DNAAF4: variants seen among roughly 807,000 people sequenced by gnomAD.
The protein encoded by DNAAF4 is dynein axonemal assembly factor 4.
Under a neutral mutation model 51.8 loss-of-function variants are expected in DNAAF4, and 43 were observed. The ratio of observed to expected loss-of-function variants is 0.83; its 90% confidence interval spans 0.65 to 1.07. The LOEUF (loss-of-function observed/expected upper bound fraction) is 1.07, where lower values mean the gene tolerates loss of function less well. Ranked by LOEUF, DNAAF4 falls within the 50% of genes least tolerant of loss-of-function variation. The pLI is 0.00. For missense variants in DNAAF4, 581 were observed against 493.0 expected (o/e 1.18, Z -1.69); for synonymous variants, 194 against 165.6 (o/e 1.17, Z -1.32).
chr15:55,425,478 TC>T (rs1200069539), downstream of DNAAF4, among the ~76,000 whole-genome samples: 1 of 152,182 alleles, frequency 6.6e-6, no homozygotes, highest in Admixed American at 6.5e-5. Flanking sequence ...TGAGCCTAGT[TC>T]TTTTTCATTT....
At chr15:55,479,228 AC>A (rs1395957792) in intron 4 of DNAAF4, among the ~76,000 whole-genome samples, 2 of 151,726 alleles carry the variant, frequency 1.3e-5, no homozygotes, top group African/African-American at 4.8e-5. Context: ...CACTTGGGCA[AC>A]TCAGAGTACT....
At chr15:55,484,371 GCT>G (rs2058456139) in intron 4 of DNAAF4, among the ~76,000 whole-genome samples, 1 of 151,828 alleles carries the variant, frequency 6.6e-6, no homozygotes, top group Non-Finnish European at 1.5e-5. Context: ...TGTAGTCCCA[GCT>G]ACTGGGGAGG....
chr15:55,439,803 G>A (rs559016406), intron 6 of DNAAF4, among the ~76,000 whole-genome samples: 1 of 152,188 alleles, frequency 6.6e-6, no homozygotes, highest in South Asian at 2.1e-4. Flanking sequence ...TGAGGTTTAG[G>A]TCATGAGAGG....
At chr15:55,498,917 A>T (rs1177448994) in intron 1 of DNAAF4, among the ~76,000 whole-genome samples, 2 of 150,984 alleles carry the variant, frequency 1.3e-5, no homozygotes, top group Non-Finnish European at 2.9e-5. Flanking sequence ...GTCTCAAAAA[A>T]AAAAAAAGAA....
At chr15:55,432,686 C>T in intron 8 of DNAAF4, 84 bp from the exon 9 acceptor site, 2 of 1,253,160 alleles carry the variant, frequency 1.6e-6, no homozygotes, top group Non-Finnish European at 1.1e-6. Context: ...TGGCTCACGC[C>T]TGTAATCCCA....
intron 8 of DNAAF4, among the ~76,000 whole-genome samples, chr15:55,433,934 A>C (rs1430862973): frequency 8.8e-4 from 1 of 1,142 alleles, no homozygotes; most frequent in African/African-American, 1.1e-3. Flanking sequence ...TATATTATAT[A>C]AAATATATAT....
intron 7 of DNAAF4, among the ~76,000 whole-genome samples, chr15:55,436,263 G>T (rs2057608882): frequency 1.3e-5 from 2 of 151,988 alleles, no homozygotes; most frequent in South Asian, 2.1e-4. Flanking sequence ...TCTCATAGTG[G>T]TTTTGATAAG....
intron 4 of DNAAF4, among the ~76,000 whole-genome samples, chr15:55,477,631 AGTAT>A (rs1477319495): frequency 2.7e-5 from 4 of 147,828 alleles, no homozygotes; most frequent in Non-Finnish European, 5.9e-5. Context: ...AATATATGTA[AGTAT>A]GTATGTATGT....
In DNAAF4 at chr15:55,423,398, A is replaced by T. The variant is rs2057403998; in HGVS notation, c.1048-5265T>A. Among the ~76,000 whole-genome samples, 4 of 151,730 alleles carry T rather than the reference A, an allele frequency of 2.6e-5. No individual in the cohort carries two copies. The East Asian group carries it at 7.7e-4, about 29-fold the overall frequency. On this transcript the variant is annotated intron_variant, in intron 7 of 7. Coordinates refer to the DNAAF4 transcript ENST00000448430. ...AACTTTTTTTCTATTTTTTGTAGAG[A>T]TGGGGGTCTCGCTATGTTGCTTAGG...
chr15:55,419,107 G>A (rs1021321056), intron 7 of DNAAF4, among the ~76,000 whole-genome samples: 5 of 152,000 alleles, frequency 3.3e-5, no homozygotes, highest in African/African-American at 7.2e-5. Flanking sequence ...TAGTAGAGAC[G>A]GGGTTTCACC....
chr15:55,464,257 G>A (rs193219117), intron 5 of DNAAF4, among the ~76,000 whole-genome samples: 2 of 152,186 alleles, frequency 1.3e-5, no homozygotes, highest in East Asian at 3.9e-4. Context: ...CCACATGTAG[G>A]GGTATGAAAC....
rs150978899 is a variant in DNAAF4, at chr15:55,505,659, C to T, written c.-256+2463G>A. Among the ~76,000 whole-genome samples, 201 of 151,906 alleles carry T rather than the reference C, an allele frequency of 1.3e-3. 2 individuals are homozygous for T. Among genetic ancestry groups the T allele is most frequent in the African/African-American group, 4.6e-3 (192 of 41,426 alleles). ...GAAACCATCACTCTCAGCAAAATAG[C>T]ACAAGGGCAGAAAACCAAACACCAC... On this transcript the variant is annotated intron_variant, in intron 1 of 9. Transcript: ENST00000321149.
intron 4 of DNAAF4, among the ~76,000 whole-genome samples, chr15:55,486,324 G>A (rs1057415554): frequency 6.6e-6 from 1 of 151,698 alleles, no homozygotes; most frequent in Non-Finnish European, 1.5e-5. Context: ...CTCCAGAGTA[G>A]CTAAGATTAC....
intron 4 of DNAAF4, among the ~76,000 whole-genome samples, chr15:55,485,994 CAAAA>C (rs55936805): frequency 1.3e-5 from 1 of 77,710 alleles, no homozygotes. Context: ...GACTCCATCT[CAAAA>C]AAAAAAAAAA....
intron 4 of DNAAF4, among the ~76,000 whole-genome samples, chr15:55,476,171 A>T (rs1203402438): frequency 2.0e-5 from 3 of 152,134 alleles, no homozygotes; most frequent in Non-Finnish European, 2.9e-5. Context: ...ACACTTTTTT[A>T]AAAAAGGGCA....
chr15:55,461,043 G>A, intron 5 of DNAAF4, among the ~76,000 whole-genome samples: 1 of 151,554 alleles, frequency 6.6e-6, no homozygotes, highest in East Asian at 1.9e-4. Context: ...AGGATTACAG[G>A]CATGAGCCAC....
intron 4 of DNAAF4, among the ~76,000 whole-genome samples, chr15:55,477,483 A>G (rs1342457177): frequency 6.6e-6 from 1 of 151,742 alleles, no homozygotes; most frequent in Non-Finnish European, 1.5e-5. Flanking sequence ...GACCAAAGGG[A>G]GGAGTAGAAA....
intron 5 of DNAAF4, among the ~76,000 whole-genome samples, chr15:55,451,604 T>C (rs1318037990): frequency 2.1e-5 from 3 of 142,432 alleles, no homozygotes; most frequent in African/African-American, 2.5e-5. Flanking sequence ...ACACTAAAAA[T>C]TTTGTGAATA....
At chr15:55,500,768 G>A (rs1308173961) in intron 1 of DNAAF4, among the ~76,000 whole-genome samples, 1 of 151,918 alleles carries the variant, frequency 6.6e-6, no homozygotes, top group Non-Finnish European at 1.5e-5. Context: ...CGAGGTGGGC[G>A]GATCACCTGA....
Sources: allele counts gnomAD v4.1 joint callset (sites outside exome capture counted in the v4.1 genomes callset), GRCh38; gene constraint gnomAD v4.1.1; transcripts MANE v1.5; gene names NCBI Gene and HGNC (gene_info 2026-07-23, HGNC 2026-07-21).